Variants in CDK19 observed in about 807,000 individuals in gnomAD.
The protein encoded by CDK19 is cyclin-dependent kinase 19.
In CDK19, 20 loss-of-function variants were observed where a neutral mutation model predicts 68.3. That is an observed-to-expected ratio of 0.29 (90% CI 0.21 to 0.43). CDK19 has a LOEUF of 0.43. CDK19 is among the 20% of genes least tolerant of loss of function. The pLI is 1.00. For synonymous variants in CDK19, 221 were observed against 222.8 expected, an observed-to-expected ratio of 0.99 and a Z score of 0.07; for missense variants, 339 against 623.5, an observed-to-expected ratio of 0.54 and a Z score of 4.86.
chr6:110,728,650 T>G (rs959187641), intron 2 of CDK19, among the ~76,000 whole-genome samples: 2 of 152,114 alleles, frequency 1.3e-5, no homozygotes, highest in Non-Finnish European at 2.9e-5. Context: ...CACAGCTGCA[T>G]GTGACCTGGC....
At chr6:110,620,837 A>C (rs560384727) in intron 12 of CDK19, among the ~76,000 whole-genome samples, 5 of 152,336 alleles carry the variant, frequency 3.3e-5, no homozygotes, top group African/African-American at 4.8e-5. Flanking sequence ...GGCAGCTATA[A>C]GGGTAAAATG....
intron 4 of CDK19, among the ~76,000 whole-genome samples, chr6:110,643,947 AAATT>A (rs1354984034): frequency 6.6e-6 from 1 of 151,894 alleles, no homozygotes; most frequent in African/African-American, 2.4e-5. Flanking sequence ...AATTAATTAA[AAATT>A]AAGTTAATTT....
chr6:110,670,143 G>A (rs1770873883), intron 3 of CDK19, among the ~76,000 whole-genome samples: 1 of 151,764 alleles, frequency 6.6e-6, no homozygotes, highest in South Asian at 2.1e-4. Context: ...GGCAACAAGA[G>A]CAAAACTCCC....
rs138133599 is a variant in CDK19 at position 110,731,114 on chromosome 6, GGAAAAGAAAA to G, written c.204+15002_204+15011del. On this transcript the variant is annotated intron_variant, in intron 2 of 12. Transcript: ENST00000368911. The stretch of plus-strand genomic sequence containing the variant: ...GAAGGAAGAAAGAAAAGAAAAGAAA[GGAAAAGAAAA>G]GAAAAGAAAAGAAAAAAGAAAAGAA... Among the ~76,000 whole-genome samples, 59 of 146,336 alleles carry G rather than the reference GGAAAAGAAAA, an allele frequency of 4.0e-4. 1 individual carries two copies. The highest frequency in any genetic ancestry group is 3.4e-3 in the Middle Eastern group (1 of 290).
chr6:110,670,874 T>C (rs1004345002), intron 2 of CDK19: 51 of 417,182 alleles, frequency 1.2e-4, no homozygotes, highest in African/African-American at 9.6e-4. Context: ...AGTAATATCA[T>C]ATCATTAAAT....
chr6:110,672,974 A>G (rs1396949431), intron 2 of CDK19, among the ~76,000 whole-genome samples: 1 of 152,188 alleles, frequency 6.6e-6, no homozygotes, highest in Non-Finnish European at 1.5e-5. Flanking sequence ...TATACTTAGT[A>G]TATTTACTTA....
chr6:110,617,662 T>TATATATACACACAC (rs755618032), intron 12 of CDK19, among the ~76,000 whole-genome samples: 196 of 107,138 alleles, frequency 1.8e-3, no homozygotes, highest in African/African-American at 6.7e-3. Context: ...TATATATATA[T>TATATATACACACAC]ACACACACAC....
rs571949908 is a variant in CDK19, at chr6:110,689,540, C to T, written c.205-18999G>A. 1.3e-3 allele frequency among the ~76,000 whole-genome samples: 198 copies of T among 152,288 alleles called. 2 individuals are homozygous for T. Among genetic ancestry groups the T allele is most frequent in the Non-Finnish European group, 1.9e-3 (131 of 68,026 alleles). On this transcript the variant is annotated intron_variant, in intron 2 of 12. Coordinates refer to ENST00000368911, the MANE Select transcript of CDK19 (RefSeq NM_015076.5). Reference sequence around the variant, plus strand: ...AGGTAGAATAACATTGACATTGTGGCCAGGAAGGAAAAAACTTGTGCATCA... The same window carrying T: ...AGGTAGAATAACATTGACATTGTGGTCAGGAAGGAAAAAACTTGTGCATCA...
At chr6:110,701,436 T>C (rs1229604310) in intron 2 of CDK19, among the ~76,000 whole-genome samples, 5 of 145,942 alleles carry the variant, frequency 3.4e-5, no homozygotes, top group Admixed American at 1.4e-4. Flanking sequence ...CCAGTAGTTA[T>C]AGCTACTTGG....
intron 2 of CDK19, among the ~76,000 whole-genome samples, chr6:110,705,076 CTT>C (rs1774335088): frequency 6.8e-6 from 1 of 146,966 alleles, no homozygotes; most frequent in East Asian, 2.0e-4. Context: ...GAGTTTCACT[CTT>C]GTCACCCAGG....
At chr6:110,770,935 G>C (rs137894228) in intron 1 of CDK19, among the ~76,000 whole-genome samples, 1 of 152,320 alleles carries the variant, frequency 6.6e-6, no homozygotes, top group African/African-American at 2.4e-5. Flanking sequence ...TTGACTCGAG[G>C]TCTCACATCC....
rs943084645 is a variant in CDK19, at chr6:110,623,239, G to C, written c.933+51C>G. The C allele has an allele frequency of 2.8e-6, 4 of 1,438,712 alleles. No homozygotes were observed. The African/African-American group carries it at 5.6e-5, about 20-fold the overall frequency. The allele number at this position is 1,438,712 out of a possible 1,614,324, so 89.1% of individuals were successfully genotyped here. ...AGGAGGAATAGCTGAGTAAATAGAA[G>C]GCGAGATTTGTGCTGAGAATCAGAT... On this transcript the variant is annotated intron_variant, in intron 9 of 12. Transcript: ENST00000368911.
intron 2 of CDK19, among the ~76,000 whole-genome samples, chr6:110,680,569 AAAC>A (rs1403628183): frequency 2.0e-5 from 3 of 152,272 alleles, no homozygotes; most frequent in Non-Finnish European, 4.4e-5. Context: ...CAACAACAGT[AAAC>A]AACCTAAATG....
At chr6:110,615,796 A>G (rs2817803) in intron 12 of CDK19, among the ~76,000 whole-genome samples, 6,067 of 152,304 alleles carry the variant, frequency 0.04, 433 homozygotes, top group African/African-American at 0.14. Context: ...AACAATTACC[A>G]GTCATTGTTC....
chr6:110,617,850 C>A (rs1778435813), intron 12 of CDK19, among the ~76,000 whole-genome samples: 1 of 88,054 alleles, frequency 1.1e-5, no homozygotes. Context: ...CAGTGAGACT[C>A]TGTCTCAAAA....
At chr6:110,671,080 T>A (rs1770971719) in intron 2 of CDK19, among the ~76,000 whole-genome samples, 1 of 152,120 alleles carries the variant, frequency 6.6e-6, no homozygotes, top group Admixed American at 6.6e-5. Flanking sequence ...TGAGGGTTTT[T>A]TTTTGAAGAG....
At chr6:110,803,764 G>A (rs1038799963) in intron 1 of CDK19, among the ~76,000 whole-genome samples, 2 of 152,164 alleles carry the variant, frequency 1.3e-5, no homozygotes, top group African/African-American at 4.8e-5. Context: ...CCAGGAGTTC[G>A]AGACCAGTCT....
chr6:110,749,319 T>C (rs908230126), intron 1 of CDK19, among the ~76,000 whole-genome samples: 1 of 152,028 alleles, frequency 6.6e-6, no homozygotes, highest in Non-Finnish European at 1.5e-5. Flanking sequence ...CGTAACAAAA[T>C]AGAACAAATA....
intron 2 of CDK19, among the ~76,000 whole-genome samples, chr6:110,705,161 C>T (rs949537030): frequency 6.6e-6 from 1 of 151,994 alleles, no homozygotes; most frequent in South Asian, 2.1e-4. Context: ...CTGCCTCAGC[C>T]TCCCGAATAC....
Sources: gnomAD v4.1 joint callset for allele counts (sites outside exome capture counted in the v4.1 genomes callset) on GRCh38, gnomAD v4.1.1 for gene constraint, MANE v1.5 for transcripts, NCBI Gene and HGNC (gene_info 2026-07-23, HGNC 2026-07-21) for gene names.